The following GRM8 variants were observed in gnomAD, a reference collection of about 807,000 sequenced individuals.
GRM8 encodes metabotropic glutamate receptor 8.
A neutral mutation model predicts 87.2 loss-of-function variants in GRM8; 47 were observed. The observed-to-expected ratio is 0.54, with a 90% CI of 0.43 to 0.69. The LOEUF is 0.69. Ranked by LOEUF, GRM8 falls within the 30% of genes least tolerant of loss-of-function variation. The pLI is 0.00. For synonymous variants in GRM8, 396 were observed against 404.5 expected, an observed-to-expected ratio of 0.98 and a Z score of 0.25; for missense variants, 1,019 against 1,139.2, an observed-to-expected ratio of 0.89 and a Z score of 1.52.
At chr7:127,104,200 T>A (rs1825596671) in intron 3 of GRM8, among the ~76,000 whole-genome samples, 1 of 152,142 alleles carries the variant, frequency 6.6e-6, no homozygotes, top group South Asian at 2.1e-4. Flanking sequence ...AATATACAAT[T>A]TTATTAATGG....
chr7:126,560,258 T>G (rs1585053283), intron 8 of GRM8, among the ~76,000 whole-genome samples: 1 of 152,296 alleles, frequency 6.6e-6, no homozygotes, highest in South Asian at 2.1e-4. Context: ...GCAGCAAGAT[T>G]TCTAATTATA....
chr7:127,172,307 T>C (rs1376090203), intron 2 of GRM8, among the ~76,000 whole-genome samples: 1 of 152,154 alleles, frequency 6.6e-6, no homozygotes, highest in Non-Finnish European at 1.5e-5. Flanking sequence ...ACTAATGTAA[T>C]TAAAATTACC....
At chr7:127,117,259 A>G (rs1826748581) in intron 2 of GRM8, among the ~76,000 whole-genome samples, 1 of 102,402 alleles carries the variant, frequency 9.8e-6, no homozygotes, top group Non-Finnish European at 2.1e-5. Context: ...ATTCTAAAAG[A>G]ACCTGGCTTT....
At chr7:126,789,372 A>G (rs754337075) in intron 6 of GRM8, among the ~76,000 whole-genome samples, 2 of 152,280 alleles carry the variant, frequency 1.3e-5, no homozygotes, top group Non-Finnish European at 2.9e-5. Context: ...ATAAAGAAAC[A>G]GTAAGAAACT....
Position 127,162,513 on chromosome 7 carries a change from G to C in GRM8, c.511-55801C>G, listed in dbSNP as rs542995874. ...TCTTGCAGTCAGGGAATGGTTGCCT[G>C]GGTAACCAAGTATTAACTATAAGGA... is the stretch of plus-strand genomic sequence containing the variant. On this transcript the variant is annotated intron_variant, in intron 2 of 10. Transcript: ENST00000339582. Among the ~76,000 whole-genome samples, 122 of 152,290 alleles carry C rather than the reference G, an allele frequency of 8.0e-4. 1 individual carries two copies. The highest frequency in any genetic ancestry group is 5.7e-4 in the Non-Finnish European group (39 of 68,026).
chr7:126,526,477 G>A (rs992448699), intron 9 of GRM8, among the ~76,000 whole-genome samples: 31 of 152,084 alleles, frequency 2.0e-4, no homozygotes, highest in Non-Finnish European at 2.9e-5. Flanking sequence ...ATTGTAATTT[G>A]GGCAGAGAAT....
Position 126,726,607 on chromosome 7 carries a change from C to A in GRM8, c.1357+43258G>T, listed in dbSNP as rs566488375. On this transcript the variant is annotated intron_variant, in intron 7 of 10. Coordinates refer to ENST00000339582, the MANE Select transcript of GRM8 (RefSeq NM_000845.3). ...CTATTGCCATTATCTTCCCCAAAATCCTCCAGAATCTGATGGCCCTTTTCT... is the reference window on the plus strand; with the variant it reads ...CTATTGCCATTATCTTCCCCAAAATACTCCAGAATCTGATGGCCCTTTTCT... Among the ~76,000 whole-genome samples, 3 of 152,236 alleles carry A rather than the reference C, an allele frequency of 2.0e-5. No homozygotes were observed. The East Asian group carries it at 5.8e-4, about 30-fold the overall frequency.
intron 1 of GRM8, among the ~76,000 whole-genome samples, chr7:127,248,740 G>C (rs1449829070): frequency 6.6e-6 from 1 of 152,200 alleles, no homozygotes; most frequent in Non-Finnish European, 1.5e-5. Flanking sequence ...ATATGTTACT[G>C]GTGTATTGTA....
At chr7:127,120,048 G>A (rs901338146) in intron 2 of GRM8, among the ~76,000 whole-genome samples, 3 of 152,088 alleles carry the variant, frequency 2.0e-5, no homozygotes, top group Non-Finnish European at 2.9e-5. Flanking sequence ...AACTTGTCAC[G>A]CACACCAATC....
At chr7:127,211,137 A>G (rs1242751844) in intron 2 of GRM8, among the ~76,000 whole-genome samples, 4 of 152,208 alleles carry the variant, frequency 2.6e-5, no homozygotes, top group Non-Finnish European at 5.9e-5. Context: ...TCATTCAACC[A>G]CAAGGCGAGG....
chr7:126,515,029 C>T lies in GRM8; in HGVS notation c.2430+17923G>A, dbSNP rs370910315. On this transcript the variant is annotated intron_variant, in intron 9 of 10. Coordinates refer to ENST00000339582, the MANE Select transcript of GRM8 (RefSeq NM_000845.3). ...TTAAAATTATTATATGAAGGTCTCC[C>T]ATATTTATCACACGAGTATCTGATA... Among the ~76,000 whole-genome samples, 6 of 152,058 alleles carry T rather than the reference C, an allele frequency of 3.9e-5. No individual in the cohort carries two copies. The East Asian group carries it at 9.7e-4, about 25-fold the overall frequency.
At chr7:126,837,782 A>G (rs1407397940) in intron 6 of GRM8, among the ~76,000 whole-genome samples, 1 of 152,258 alleles carries the variant, frequency 6.6e-6, no homozygotes, top group Non-Finnish European at 1.5e-5. Flanking sequence ...GACTCCTGTC[A>G]GGTATTGCAA....
chr7:127,030,847 G>C (rs1487643604), intron 3 of GRM8, among the ~76,000 whole-genome samples: 1 of 152,062 alleles, frequency 6.6e-6, no homozygotes, highest in East Asian at 1.9e-4. Flanking sequence ...TGGATAGAAA[G>C]GATGTCCCCG....
intron 8 of GRM8, among the ~76,000 whole-genome samples, chr7:126,556,132 A>G (rs116925841): frequency 0.012 from 1,894 of 152,218 alleles, 29 homozygotes; most frequent in Non-Finnish European, 0.016. Context: ...CTTGAATGAG[A>G]GACAAAATAC....
chr7:126,845,421 C>T (rs934554210), intron 6 of GRM8, among the ~76,000 whole-genome samples: 25 of 152,262 alleles, frequency 1.6e-4, no homozygotes, highest in African/African-American at 5.1e-4. Context: ...TCAACCTAGG[C>T]CAACTTAGTC....
chr7:127,236,160 C>T lies in GRM8; in HGVS notation c.510+6535G>A, dbSNP rs570810229. Among the ~76,000 whole-genome samples the T allele has an allele frequency of 2.0e-5, 3 of 152,164 alleles. No individual in the cohort carries two copies. The South Asian group carries it at 6.2e-4, about 32-fold the overall frequency. On this transcript the variant is annotated intron_variant, in intron 2 of 10. Transcript: ENST00000339582. The stretch of plus-strand genomic sequence containing the variant: ...CATTTTTTTTGGTGTATGGTGAAAA[C>T]ATTTAAGATCTACTCTTTCAACAAT...
At chr7:126,525,527 TAATG>T (rs896299321) in intron 9 of GRM8, among the ~76,000 whole-genome samples, 13 of 152,354 alleles carry the variant, frequency 8.5e-5, no homozygotes, top group Admixed American at 8.5e-4. Flanking sequence ...AATATTTCCC[TAATG>T]GTCACTCTGA....
intron 7 of GRM8, among the ~76,000 whole-genome samples, chr7:126,647,939 C>CT (rs1803346541): frequency 6.6e-6 from 1 of 152,078 alleles, no homozygotes; most frequent in African/African-American, 2.4e-5. Context: ...AATGGTGTGC[C>CT]ATTGTACATT....
chr7:126,572,460 G>A, intron 8 of GRM8, among the ~76,000 whole-genome samples: 1 of 152,178 alleles, frequency 6.6e-6, no homozygotes, highest in Non-Finnish European at 1.5e-5. Context: ...GGGAATGCTG[G>A]AGGATGCCAA....
Sources: allele counts gnomAD v4.1 joint callset (sites outside exome capture counted in the v4.1 genomes callset), GRCh38; gene constraint gnomAD v4.1.1; transcripts MANE v1.5; gene names NCBI Gene and HGNC (gene_info 2026-07-23, HGNC 2026-07-21).